ADAMTS17: variants seen among roughly 807,000 people sequenced by gnomAD.
ADAMTS17 encodes ADAM metallopeptidase with thrombospondin type 1 motif 17, also known as A disintegrin and metalloproteinase with thrombospondin motifs 17.
ADAMTS17 carries 113 observed loss-of-function variants against 141.5 expected under a neutral mutation model. The observed-to-expected ratio is 0.80, with a 90% confidence interval of 0.69 to 0.93. ADAMTS17 has a LOEUF of 0.93. ADAMTS17 is among the 40% of genes least tolerant of loss of function. The pLI, the probability that ADAMTS17 is intolerant of heterozygous loss-of-function variation, is 0.00. For synonymous variants in ADAMTS17, 768 were observed against 630.6 expected (o/e 1.22, Z -3.27); for missense variants, 1,659 against 1,517.9 (o/e 1.09, Z -1.54).
At position 100,185,717 on chromosome 15, in the gene ADAMTS17, TC is replaced by T. The variant is rs1311683889; in HGVS notation, c.1181+13600del. Among the ~76,000 whole-genome samples the T allele has an allele frequency of 7.2e-5, 11 of 152,284 alleles. No individual in the cohort carries two copies. The East Asian group carries it at 1.7e-3, about 24-fold the overall frequency. On this transcript the variant is annotated intron_variant, in intron 8 of 21. Coordinates refer to ENST00000268070, the MANE Select transcript of ADAMTS17 (RefSeq NM_139057.4). ...AGAGATCCCTCATGCCCTGGCATCC[TC>T]CAAAGTATCCCCTGCACACCTCGTC...
chr15:100,126,904 A>G (rs996128175), intron 12 of ADAMTS17, among the ~76,000 whole-genome samples: 2 of 152,244 alleles, frequency 1.3e-5, no homozygotes, highest in South Asian at 2.1e-4. Flanking sequence ...GAGCAAATAC[A>G]TAACAACAAT....
intron 7 of ADAMTS17, among the ~76,000 whole-genome samples, chr15:100,200,216 G>A (rs1283651359): frequency 1.3e-5 from 2 of 152,216 alleles, no homozygotes; most frequent in Non-Finnish European, 2.9e-5. Context: ...GGGCAGTGGA[G>A]GCCGCATCCC....
intron 18 of ADAMTS17, among the ~76,000 whole-genome samples, chr15:100,027,969 T>C (rs560134570): frequency 2.6e-5 from 4 of 152,198 alleles, no homozygotes; most frequent in East Asian, 1.9e-4. Flanking sequence ...CCTGACCCCA[T>C]GGCAGTCCCC....
At chr15:100,163,144 C>T (rs554143162) in intron 8 of ADAMTS17, among the ~76,000 whole-genome samples, 62 of 151,768 alleles carry the variant, frequency 4.1e-4, no homozygotes, top group African/African-American at 1.3e-3. Flanking sequence ...CTTACACGTA[C>T]GTACATATAT....
At chr15:100,112,418 G>A (rs1018635436) in intron 13 of ADAMTS17, among the ~76,000 whole-genome samples, 10 of 152,012 alleles carry the variant, frequency 6.6e-5, no homozygotes, top group Non-Finnish European at 1.3e-4. Context: ...GGAATTCAGG[G>A]CACCCACATC....
intron 2 of ADAMTS17, among the ~76,000 whole-genome samples, chr15:100,340,329 A>AG (rs2046326026): frequency 6.6e-6 from 1 of 152,192 alleles, no homozygotes; most frequent in Admixed American, 6.5e-5. Flanking sequence ...ACTTCGGGGC[A>AG]GGGAAGTTAC....
chr15:100,081,183 G>A (rs12439966), intron 15 of ADAMTS17, among the ~76,000 whole-genome samples: 1 of 152,300 alleles, frequency 6.6e-6, no homozygotes, highest in African/African-American at 2.4e-5. Context: ...GGTGGGCCTA[G>A]GCTCCCAGCC....
Position 100,222,951 on chromosome 15 carries a change from G to A in ADAMTS17, c.1076-23528C>T, listed in dbSNP as rs74664971. ...TTGCTGGCATTCAAATCACAAAGGGGTGTTTCCTGGGATTTAATTCTACGA... is the reference window on the plus strand; with the variant it reads ...TTGCTGGCATTCAAATCACAAAGGGATGTTTCCTGGGATTTAATTCTACGA... On this transcript the variant is annotated intron_variant, in intron 7 of 21. Coordinates refer to ENST00000268070, the MANE Select transcript of ADAMTS17 (RefSeq NM_139057.4). Among the ~76,000 whole-genome samples, 4,552 of 152,306 alleles carry A rather than the reference G, an allele frequency of 0.03. 369 individuals carry two copies. In the East Asian group the frequency reaches 0.31, roughly 10 times the overall value.
At chr15:100,067,627 G>C (rs1300644856) in intron 15 of ADAMTS17, among the ~76,000 whole-genome samples, 1 of 151,522 alleles carries the variant, frequency 6.6e-6, no homozygotes, top group Non-Finnish European at 1.5e-5. Flanking sequence ...TATCTCTTTT[G>C]TCTTCTGCAG....
rs142409462 is a variant in ADAMTS17, at chr15:100,171,072, C to A, written c.1182-15752G>T. Among the ~76,000 whole-genome samples the A allele has an allele frequency of 6.9e-3, 1,043 of 152,174 alleles. 10 individuals are homozygous for A. The highest frequency in any genetic ancestry group is 0.024 in the African/African-American group (992 of 41,522). On this transcript the variant is annotated intron_variant, in intron 8 of 21. Transcript: ENST00000268070. ...TCCTAGGGGAAGCCATTTTAATGGG[C>A]AGTAGGAACCAGCCCCCAGCACTTC...
At chr15:100,252,840 A>C (rs2043195362) in intron 7 of ADAMTS17, among the ~76,000 whole-genome samples, 2 of 152,098 alleles carry the variant, frequency 1.3e-5, no homozygotes, top group Non-Finnish European at 2.9e-5. Flanking sequence ...CATTTTGTAA[A>C]CTCTAAAATG....
chr15:99,988,681 C>T (rs1032625897), intron 20 of ADAMTS17, among the ~76,000 whole-genome samples: 2 of 152,210 alleles, frequency 1.3e-5, no homozygotes, highest in African/African-American at 2.4e-5. Context: ...TGGAAGTGTT[C>T]TTCACAGCAT....
chr15:100,256,590 G>A (rs993422480), intron 6 of ADAMTS17: 3 of 152,232 alleles, frequency 2.0e-5, no homozygotes, highest in African/African-American at 7.2e-5. Context: ...CCTGGCAAGA[G>A]GGTCCCCTGG....
chr15:100,009,303 G>A (rs2061108741), intron 18 of ADAMTS17, among the ~76,000 whole-genome samples: 1 of 152,158 alleles, frequency 6.6e-6, no homozygotes, highest in African/African-American at 2.4e-5. Context: ...TGGGTCCTCT[G>A]TGCCTCAGTT....
intron 3 of ADAMTS17, among the ~76,000 whole-genome samples, chr15:100,324,863 C>T (rs970541114): frequency 1.8e-4 from 27 of 152,104 alleles, no homozygotes; most frequent in Non-Finnish European, 3.5e-4. Context: ...TCATTTAATA[C>T]TCACAAAAGC....
At position 99,987,794 on chromosome 15, in the gene ADAMTS17, TG is replaced by T. The variant is rs1395490608; in HGVS notation, c.2949+5253del. On this transcript the variant is annotated intron_variant, in intron 20 of 21. Coordinates refer to ENST00000268070, the MANE Select transcript of ADAMTS17 (RefSeq NM_139057.4). ...GGGAAAACGGGCAAGTTTCTCTATC[TG>T]GGGAGAGGGTAGTGAGGGGCAGGTG... Among the ~76,000 whole-genome samples the T allele has an allele frequency of 3.3e-5, 5 of 152,212 alleles. No homozygotes were observed. The South Asian group carries it at 8.3e-4, about 25-fold the overall frequency.
chr15:100,102,008 T>C (rs1203422439), intron 14 of ADAMTS17, among the ~76,000 whole-genome samples: 1 of 152,242 alleles, frequency 6.6e-6, no homozygotes, highest in African/African-American at 2.4e-5. Context: ...GACTTCATTC[T>C]TGTTTTGCTA....
rs75735135 is a variant in ADAMTS17 at position 100,034,572 on chromosome 15, G to A, written c.2591+14285C>T. On this transcript the variant is annotated intron_variant, in intron 18 of 21. Coordinates refer to ENST00000268070, the MANE Select transcript of ADAMTS17 (RefSeq NM_139057.4). Reference sequence around the variant, plus strand: ...TGCTGGGCTTGGGAAGAAGGACCCCGCGTGTACACCATTGTTTCTATCAGA... The same window carrying A: ...TGCTGGGCTTGGGAAGAAGGACCCCACGTGTACACCATTGTTTCTATCAGA... Among the ~76,000 whole-genome samples the A allele has an allele frequency of 5.7e-3, 864 of 152,344 alleles. 5 individuals are homozygous for A. The highest frequency in any genetic ancestry group is 0.019 in the African/African-American group (800 of 41,586).
At chr15:100,000,646 C>T (rs537088746) in intron 18 of ADAMTS17, among the ~76,000 whole-genome samples, 6 of 152,162 alleles carry the variant, frequency 3.9e-5, no homozygotes, top group East Asian at 1.9e-4. Flanking sequence ...CCTGAGTAGT[C>T]GGGTTTACAG....
Sources: gnomAD v4.1 joint callset for allele counts (sites outside exome capture counted in the v4.1 genomes callset) on GRCh38, gnomAD v4.1.1 for gene constraint, MANE v1.5 for transcripts, NCBI Gene and HGNC (gene_info 2026-07-23, HGNC 2026-07-21) for gene names.